The following CNTN1 variants were observed in gnomAD, a reference collection of about 807,000 sequenced individuals.
CNTN1 encodes the protein contactin 1, also known as contactin-1.
CNTN1 carries 38 observed loss-of-function variants against 126.4 expected under a neutral mutation model. The ratio of observed to expected loss-of-function variants is 0.30; its 90% CI spans 0.23 to 0.39. The LOEUF is 0.39. CNTN1 is among the 10% of genes least tolerant of loss of function. The pLI is 1.00. For synonymous variants in CNTN1, 413 were observed against 422.6 expected, an observed-to-expected ratio of 0.98 and a Z score of 0.28; for missense variants, 1,009 against 1,248.4, an observed-to-expected ratio of 0.81 and a Z score of 2.89.
At chr12:40,786,578 T>A (rs1489241546) in intron 1 of CNTN1, among the ~76,000 whole-genome samples, 1 of 152,134 alleles carries the variant, frequency 6.6e-6, no homozygotes, top group Non-Finnish European at 1.5e-5. Flanking sequence ...TTAGTAGAAG[T>A]ATGGGCATTA....
In CNTN1 at chr12:41,057,163, A is replaced by AAGATATTTATATTATAAATATTT. The variant is rs1222144058; in HGVS notation, c.2981-12780_2981-12758dup. The stretch of plus-strand genomic sequence containing the variant: ...TTATATTTAGATATTTATAAATATT[A>AAGATATTTATATTATAAATATTT]AGATATTTATATTATAAATATTTAG... On this transcript the variant is annotated intron_variant, in intron 23 of 23. Coordinates refer to ENST00000551295, the MANE Select transcript of CNTN1 (RefSeq NM_001843.4). Among the ~76,000 whole-genome samples, 10 of 141,842 alleles carry AAGATATTTATATTATAAATATTT rather than the reference A, an allele frequency of 7.1e-5. No homozygotes were observed. The East Asian group carries it at 1.4e-3, about 20-fold the overall frequency. 93.1% of individuals were successfully genotyped at this position (141,842 alleles called of 152,430 possible). A position where few individuals can be genotyped will look rare whatever the true frequency, so the allele number is the denominator to read the frequency against.
At chr12:41,007,825 T>C (rs538793327) in intron 17 of CNTN1, among the ~76,000 whole-genome samples, 1 of 152,334 alleles carries the variant, frequency 6.6e-6, no homozygotes, top group South Asian at 2.1e-4. Flanking sequence ...CTTGAACATG[T>C]ATAGTCCTTA....
chr12:40,908,430 A>C lies in CNTN1; in HGVS notation c.-3A>C. ...ATTGAACCGAACTTCTACTGAATAC[A>C]AGATGAAAATGTGGTTGCTGGTCAG... On this transcript the variant is annotated 5_prime_UTR_variant, in exon 2 of 24. Transcript: ENST00000551295. 6.2e-7 allele frequency: 1 copy of C among 1,612,868 alleles called. No homozygotes were observed. The highest frequency in any genetic ancestry group is 8.5e-7 in the Non-Finnish European group (1 of 1,179,286).
chr12:40,956,618 T>C (rs1384904101), intron 14 of CNTN1, among the ~76,000 whole-genome samples: 1 of 151,942 alleles, frequency 6.6e-6, no homozygotes, highest in Admixed American at 6.6e-5. Flanking sequence ...ACATTTGTGG[T>C]CCTAAAAAGA....
intron 1 of CNTN1, among the ~76,000 whole-genome samples, chr12:40,743,650 T>C (rs1031734455): frequency 1.3e-5 from 2 of 152,110 alleles, no homozygotes; most frequent in Non-Finnish European, 2.9e-5. Context: ...ATGGGTTGTT[T>C]TGTTTTTTTT....
chr12:40,866,069 T>G (rs952575122), intron 1 of CNTN1, among the ~76,000 whole-genome samples: 6 of 152,010 alleles, frequency 3.9e-5, no homozygotes, highest in African/African-American at 1.4e-4. Flanking sequence ...GTTATTCGTC[T>G]TGGTGCTATT....
At chr12:40,805,925 G>C (rs575558748) in intron 1 of CNTN1, among the ~76,000 whole-genome samples, 3 of 152,258 alleles carry the variant, frequency 2.0e-5, no homozygotes, top group Admixed American at 6.5e-5. Context: ...CTGATGCTTA[G>C]AGAGAAGGCT....
chr12:40,843,026 G>A (rs1237737515), intron 1 of CNTN1, among the ~76,000 whole-genome samples: 2 of 152,046 alleles, frequency 1.3e-5, no homozygotes, highest in African/African-American at 4.8e-5. Context: ...GGTGTAGCTG[G>A]ACCTAAAGTA....
At chr12:40,761,234 C>T (rs140453370) in intron 1 of CNTN1, among the ~76,000 whole-genome samples, 28 of 152,160 alleles carry the variant, frequency 1.8e-4, no homozygotes, top group African/African-American at 6.3e-4. Context: ...TTCATCTATA[C>T]CAATTTTTAG....
chr12:40,809,866 T>C (rs185924819), intron 1 of CNTN1, among the ~76,000 whole-genome samples: 2 of 145,872 alleles, frequency 1.4e-5, no homozygotes, highest in Non-Finnish European at 3.0e-5. Flanking sequence ...CAAAACTCAT[T>C]TGTAAATGAC....
At chr12:40,944,364 A>G (rs1273250913) in intron 14 of CNTN1, among the ~76,000 whole-genome samples, 194 bp downstream of exon 14, 2 of 151,988 alleles carry the variant, frequency 1.3e-5, no homozygotes. Flanking sequence ...GCTAGCCCTG[A>G]GGATTTTGGT....
intron 1 of CNTN1, among the ~76,000 whole-genome samples, chr12:40,892,956 G>GGGGT (rs1555174975): frequency 2.0e-5 from 1 of 48,840 alleles, no homozygotes; most frequent in Middle Eastern, 9.6e-3. Flanking sequence ...AATGAAAACT[G>GGGGT]GGGGGGGTGA....
intron 19 of CNTN1, among the ~76,000 whole-genome samples, chr12:41,017,982 T>C (rs1411159945): frequency 1.3e-5 from 2 of 151,852 alleles, no homozygotes; most frequent in African/African-American, 4.8e-5. Context: ...TGCCAGCTAC[T>C]TGGGAGGCTG....
chr12:41,000,945 C>T (rs1948345585), intron 17 of CNTN1, among the ~76,000 whole-genome samples: 1 of 152,134 alleles, frequency 6.6e-6, no homozygotes, highest in South Asian at 2.1e-4. Flanking sequence ...CATCCATGTC[C>T]CTGCAAAGTA....
intron 1 of CNTN1, among the ~76,000 whole-genome samples, chr12:40,787,738 A>G (rs2136460359): frequency 6.6e-6 from 1 of 152,294 alleles, no homozygotes; most frequent in East Asian, 1.9e-4. Flanking sequence ...ATTTTTTCCC[A>G]GAATTACACA....
At chr12:40,783,442 T>C (rs1157736725) in intron 1 of CNTN1, among the ~76,000 whole-genome samples, 1 of 152,082 alleles carries the variant, frequency 6.6e-6, no homozygotes, top group Non-Finnish European at 1.5e-5. Context: ...TTTGTTAGTT[T>C]GCTTGACCTT....
intron 16 of CNTN1, among the ~76,000 whole-genome samples, chr12:40,985,122 T>C (rs1428676059): frequency 6.6e-6 from 1 of 152,098 alleles, no homozygotes; most frequent in African/African-American, 2.4e-5. Flanking sequence ...GGAGTGCATT[T>C]TGCCTTTGGT....
chr12:40,995,746 T>C (rs2044090), intron 17 of CNTN1, among the ~76,000 whole-genome samples: 15,573 of 150,530 alleles, frequency 0.1, 900 homozygotes, highest in Non-Finnish European at 0.13. Context: ...TTCTCAATTG[T>C]AAAAAAAAAA....
intron 17 of CNTN1, among the ~76,000 whole-genome samples, chr12:40,999,697 C>CTTTTTTTTTT (rs398019220): frequency 2.3e-5 from 2 of 86,646 alleles, no homozygotes; most frequent in Non-Finnish European, 4.2e-5. Context: ...TTCTTCTGTG[C>CTTTTTTTTTT]TTTTTTTTTT....
Sources: allele counts gnomAD v4.1 joint callset (sites outside exome capture counted in the v4.1 genomes callset), GRCh38; gene constraint gnomAD v4.1.1; transcripts MANE v1.5; gene names NCBI Gene and HGNC (gene_info 2026-07-23, HGNC 2026-07-21).